ATG5: variants seen among roughly 807,000 people sequenced by gnomAD.
ATG5 encodes the protein autophagy protein 5.
Under a neutral mutation model 36.5 loss-of-function variants are expected in ATG5, and 14 were observed. The observed-to-expected ratio is 0.38, with a 90% CI of 0.25 to 0.60. The LOEUF is 0.60. Among genes scored for constraint, ATG5 ranks in the 20% least tolerant of loss-of-function variants. The pLI is 0.60. For synonymous variants in ATG5, 95 were observed against 101.5 expected, an observed-to-expected ratio of 0.94 and a Z score of 0.38; for missense variants, 195 against 326.7, an observed-to-expected ratio of 0.60 and a Z score of 3.11.
chr6:106,261,981 A>C (rs77915292), intron 5 of ATG5, among the ~76,000 whole-genome samples: 11,441 of 152,260 alleles, frequency 0.075, 735 homozygotes, highest in Admixed American at 0.22. Context: ...GAGGTTGGGA[A>C]ACCCTGCTCC....
At chr6:106,233,040 G>T (rs569164891) in intron 6 of ATG5, among the ~76,000 whole-genome samples, 1 of 152,240 alleles carries the variant, frequency 6.6e-6, no homozygotes, top group Non-Finnish European at 1.5e-5. Context: ...CTTGTCCTTT[G>T]GTATGTGGAT....
In ATG5 at chr6:106,186,656, C is replaced by T; in HGVS notation, c.712G>A (p.Val238Met). Residue 238 changes from valine to methionine, a missense_variant, in exon 8 of 8, where the codon GTG (valine) becomes ATG (methionine). Val to Met is a conservative substitution (Grantham distance 21). Transcript: ENST00000369076. ...DPEDGEKKNQVMIHGIEPMLE... is the reference protein window; with the variant it reads ...DPEDGEKKNQMMIHGIEPMLE... ...ATTGGCTCAATTCCATGAATCATCA[C>T]TTGATTCTTTTTTTCCCCATCTATT... 1 of 1,613,658 alleles carries T rather than the reference C, an allele frequency of 6.2e-7. No individual in the cohort carries two copies. Among genetic ancestry groups the T allele is most frequent in the Non-Finnish European group, 8.5e-7 (1 of 1,179,844 alleles).
chr6:106,257,776 G>A (rs1178021498), intron 5 of ATG5, among the ~76,000 whole-genome samples: 1 of 152,126 alleles, frequency 6.6e-6, no homozygotes, highest in Non-Finnish European at 1.5e-5. Context: ...TAGCTACATG[G>A]AAAATACCTC....
chr6:106,197,613 A>G (rs886461877), intron 7 of ATG5, among the ~76,000 whole-genome samples: 1 of 151,842 alleles, frequency 6.6e-6, no homozygotes, highest in Non-Finnish European at 1.5e-5. Context: ...TTTAGTTCCC[A>G]CAAGAGCTGG....
chr6:106,249,494 TTGAC>T lies in ATG5; in HGVS notation c.479-1254_479-1251del, dbSNP rs1183809395. Among the ~76,000 whole-genome samples, 3 of 152,348 alleles carry T rather than the reference TTGAC, an allele frequency of 2.0e-5. No homozygotes were observed. The East Asian group carries it at 5.8e-4, about 29-fold the overall frequency. On this transcript the variant is annotated intron_variant, in intron 5 of 7. Coordinates refer to ENST00000369076, the MANE Select transcript of ATG5 (RefSeq NM_004849.4). ...AGTTACCAGATTTTTGTTCTCTCAGTTGACTGACATTTAAGTAGTTTCCGCTTTT... is the reference window on the plus strand; with the variant it reads ...AGTTACCAGATTTTTGTTCTCTCAGTTGACATTTAAGTAGTTTCCGCTTTT...
At chr6:106,198,740 C>T (rs1436735545) in intron 7 of ATG5, among the ~76,000 whole-genome samples, 2 of 151,006 alleles carry the variant, frequency 1.3e-5, no homozygotes, top group Middle Eastern at 3.4e-3. Context: ...TGCACCACTG[C>T]GCTCCAACCT....
chr6:106,273,250 AATAG>A (rs993027394), intron 5 of ATG5, among the ~76,000 whole-genome samples: 20 of 152,196 alleles, frequency 1.3e-4, no homozygotes, highest in African/African-American at 3.4e-4. Flanking sequence ...AAAGACTCAA[AATAG>A]ATACACAGGT....
intron 6 of ATG5, among the ~76,000 whole-genome samples, chr6:106,238,138 A>G (rs1261195716): frequency 6.6e-6 from 1 of 152,228 alleles, no homozygotes; most frequent in Non-Finnish European, 1.5e-5. Context: ...TTGTCTTTAC[A>G]TATGAGATAC....
chr6:106,266,885 A>C (rs1050693299), intron 5 of ATG5, among the ~76,000 whole-genome samples: 3 of 152,224 alleles, frequency 2.0e-5, no homozygotes, highest in African/African-American at 7.2e-5. Context: ...ACAAACCCAT[A>C]GTCAATATCA....
chr6:106,215,193 A>C (rs1292626004), intron 6 of ATG5, among the ~76,000 whole-genome samples: 2 of 152,258 alleles, frequency 1.3e-5, no homozygotes, highest in Non-Finnish European at 2.9e-5. Context: ...ATAAACAAAG[A>C]AATCAAAATA....
chr6:106,289,233 A>G (rs571834322), intron 4 of ATG5, among the ~76,000 whole-genome samples: 1 of 152,276 alleles, frequency 6.6e-6, no homozygotes, highest in African/African-American at 2.4e-5. Context: ...TCTGCCTGAA[A>G]ATTAACACTT....
intron 5 of ATG5, among the ~76,000 whole-genome samples, chr6:106,263,463 T>G (rs1010572647): frequency 1.3e-5 from 2 of 152,184 alleles, no homozygotes; most frequent in African/African-American, 4.8e-5. Flanking sequence ...AGAGAGGAGC[T>G]GATCCTGACA....
chr6:106,308,554 T>C, intron 2 of ATG5, 63 bp from the exon 3 acceptor site: 1 of 1,286,906 alleles, frequency 7.8e-7, no homozygotes, highest in Non-Finnish European at 1.0e-6. Flanking sequence ...AAATACTAAG[T>C]AGGTTTTTGA....
chr6:106,262,259 T>C (rs966210459), intron 5 of ATG5, among the ~76,000 whole-genome samples: 1 of 151,976 alleles, frequency 6.6e-6, no homozygotes, highest in Non-Finnish European at 1.5e-5. Context: ...AGAGATGGGG[T>C]TTCACCACGT....
chr6:106,252,950 A>C (rs962027233), intron 5 of ATG5, among the ~76,000 whole-genome samples: 1 of 152,166 alleles, frequency 6.6e-6, no homozygotes, highest in African/African-American at 2.4e-5. Flanking sequence ...AAGGGAACCC[A>C]CTCTTCACAA....
intron 6 of ATG5, among the ~76,000 whole-genome samples, chr6:106,222,468 T>C (rs772621176): frequency 3.9e-5 from 6 of 152,188 alleles, no homozygotes; most frequent in Non-Finnish European, 8.8e-5. Context: ...AATCTCTTCA[T>C]ATTAAGGGGA....
At chr6:106,270,438 T>C (rs149493089) in intron 5 of ATG5, among the ~76,000 whole-genome samples, 1,566 of 152,180 alleles carry the variant, frequency 0.01, 26 homozygotes, top group African/African-American at 0.036. Context: ...ATAATAATAA[T>C]AACAAAAATG....
chr6:106,283,396 ATTTTAT>A (rs1481399582), intron 4 of ATG5: 1 of 151,872 alleles, frequency 6.6e-6, no homozygotes, highest in African/African-American at 2.4e-5. Flanking sequence ...TAAATATTTT[ATTTTAT>A]TTTTATTTTT....
intron 3 of ATG5, among the ~76,000 whole-genome samples, chr6:106,296,708 C>T (rs1000243647): frequency 1.3e-5 from 2 of 152,152 alleles, no homozygotes; most frequent in Admixed American, 6.5e-5. Context: ...GTCCTAGCTA[C>T]TCGGGAGGCT....
Sources: gnomAD v4.1 joint callset for allele counts (sites outside exome capture counted in the v4.1 genomes callset) on GRCh38, gnomAD v4.1.1 for gene constraint, MANE v1.5 for transcripts, NCBI Gene and HGNC (gene_info 2026-07-23, HGNC 2026-07-21) for gene names.